Variants in CACNG2 observed in about 807,000 individuals in gnomAD.
The protein encoded by CACNG2 is calcium voltage-gated channel auxiliary subunit gamma 2.
In CACNG2, 3 loss-of-function variants were observed where a neutral mutation model predicts 25.9. That is an observed-to-expected ratio of 0.12 (90% CI 0.05 to 0.30). The LOEUF is 0.30. Ranked by LOEUF, CACNG2 falls within the 10% of genes least tolerant of loss-of-function variation. The probability of loss-of-function intolerance (pLI) is 1.00; values close to 1 mark genes in which losing one functional copy is unlikely to be tolerated. For missense variants in CACNG2, 341 were observed against 432.5 expected, an observed-to-expected ratio of 0.79 and a Z score of 1.88; for synonymous variants, 167 against 173.3, an observed-to-expected ratio of 0.96 and a Z score of 0.29.
In CACNG2 at chr22:36,595,811, C is replaced by A. The variant is rs554503906; in HGVS notation, c.212-8263G>T. ...CCTCCATCCCAGAAGAGTGGCAGTG[C>A]CCCACCAACCGCCAGGCTGAGTGAG... On this transcript the variant is annotated intron_variant, in intron 1 of 3. Coordinates refer to ENST00000300105, the MANE Select transcript of CACNG2 (RefSeq NM_006078.5). 1.2e-3 allele frequency among the ~76,000 whole-genome samples: 180 copies of A among 152,324 alleles called. 2 individuals carry two copies. Among genetic ancestry groups the A allele is most frequent in the African/African-American group, 4.2e-3 (175 of 41,572 alleles).
At chr22:36,686,291 C>G (rs1260895485) in intron 1 of CACNG2, among the ~76,000 whole-genome samples, 2 of 152,178 alleles carry the variant, frequency 1.3e-5, no homozygotes, top group Non-Finnish European at 2.9e-5. Flanking sequence ...TATAAAGGCT[C>G]ATCTCTAAGG....
chr22:36,634,236 G>A (rs1467803910), intron 1 of CACNG2, among the ~76,000 whole-genome samples: 1 of 152,180 alleles, frequency 6.6e-6, no homozygotes, highest in Non-Finnish European at 1.5e-5. Flanking sequence ...TTTTGGTTAG[G>A]TGTGACCACA....
intron 1 of CACNG2, among the ~76,000 whole-genome samples, chr22:36,677,414 GA>G (rs1290205135): frequency 6.6e-6 from 1 of 152,148 alleles, no homozygotes; most frequent in African/African-American, 2.4e-5. Context: ...CACGGGAAAG[GA>G]TGCGGTTTCC....
chr22:36,679,193 C>CCTTTCTTT (rs1937059613), intron 1 of CACNG2, among the ~76,000 whole-genome samples: 1 of 49,240 alleles, frequency 2.0e-5, no homozygotes, highest in African/African-American at 8.4e-5. Context: ...TTCCTTCCTT[C>CCTTTCTTT]CTTCCTTTCT....
intron 1 of CACNG2, among the ~76,000 whole-genome samples, chr22:36,637,109 C>A (rs936225865): frequency 2.6e-5 from 4 of 152,244 alleles, no homozygotes; most frequent in Admixed American, 1.3e-4. Flanking sequence ...CATGTTGCAC[C>A]TCCTGGCTGG....
At chr22:36,692,294 G>T (rs2092662) in intron 1 of CACNG2, among the ~76,000 whole-genome samples, 90,666 of 152,082 alleles carry the variant, frequency 0.6, 28,555 homozygotes, top group East Asian at 0.77. Flanking sequence ...GCTACCCAAG[G>T]TCAAAGAAGT....
Position 36,578,983 on chromosome 22 carries a change from G to A in CACNG2, c.295+8482C>T, listed in dbSNP as rs138099203. Among the ~76,000 whole-genome samples the A allele has an allele frequency of 5.7e-4, 87 of 152,208 alleles. 1 individual carries two copies. Among genetic ancestry groups the A allele is most frequent in the African/African-American group, 2.0e-3 (85 of 41,524 alleles). ...CCGGCAATAGAGTGGTCACCTCCCC[G>A]CACAGCAGCCTCGTCCTACATTCCC... On this transcript the variant is annotated intron_variant, in intron 2 of 3. Transcript: ENST00000300105.
At chr22:36,654,908 T>C (rs1281898340) in intron 1 of CACNG2, among the ~76,000 whole-genome samples, 1 of 152,056 alleles carries the variant, frequency 6.6e-6, no homozygotes, top group African/African-American at 2.4e-5. Context: ...GGTGTCCGAA[T>C]CTTTGTTTTG....
chr22:36,661,093 A>G (rs1363556418), intron 1 of CACNG2, among the ~76,000 whole-genome samples: 1 of 152,102 alleles, frequency 6.6e-6, no homozygotes, highest in African/African-American at 2.4e-5. Flanking sequence ...TTACCGTGAA[A>G]TCAATCAACT....
intron 1 of CACNG2, among the ~76,000 whole-genome samples, chr22:36,698,628 C>T (rs1937371712): frequency 1.3e-5 from 2 of 152,128 alleles, no homozygotes; most frequent in South Asian, 4.2e-4. Context: ...CTGGCAGAGC[C>T]CCTGTGAGCA....
At chr22:36,646,340 TA>T (rs1936524248) in intron 1 of CACNG2, among the ~76,000 whole-genome samples, 1 of 152,158 alleles carries the variant, frequency 6.6e-6, no homozygotes, top group South Asian at 2.1e-4. Flanking sequence ...TCACTGGAAT[TA>T]AAATTTAGCA....
chr22:36,693,038 C>T (rs539655842), intron 1 of CACNG2, among the ~76,000 whole-genome samples: 4 of 152,154 alleles, frequency 2.6e-5, no homozygotes, highest in South Asian at 2.1e-4. Flanking sequence ...CCCAGCTACT[C>T]GGGAGGCTGA....
At position 36,632,827 on chromosome 22, in the gene CACNG2, C is replaced by T. The variant is rs544624990; in HGVS notation, c.212-45279G>A. ...AGGTCTTCATCCTCAAACCTCTCTT[C>T]TCTAGCTATCCTTACCCTTCAAGCC... is the stretch of plus-strand genomic sequence containing the variant. On this transcript the variant is annotated intron_variant, in intron 1 of 3. Coordinates refer to ENST00000300105, the MANE Select transcript of CACNG2 (RefSeq NM_006078.5). 1.1e-3 allele frequency among the ~76,000 whole-genome samples: 166 copies of T among 152,178 alleles called. 1 individual carries two copies. Among genetic ancestry groups the T allele is most frequent in the South Asian group, 2.9e-3 (14 of 4,822 alleles).
At chr22:36,668,492 A>ATT (rs112318091) in intron 1 of CACNG2, among the ~76,000 whole-genome samples, 29 of 146,962 alleles carry the variant, frequency 2.0e-4, no homozygotes, top group East Asian at 1.2e-3. Flanking sequence ...AGGGGAGTGA[A>ATT]TTTTTTTTTT....
intron 1 of CACNG2, among the ~76,000 whole-genome samples, chr22:36,592,044 G>A (rs979226958): frequency 6.6e-6 from 1 of 152,028 alleles, no homozygotes; most frequent in Non-Finnish European, 1.5e-5. Flanking sequence ...CTGAGATTCT[G>A]TGGTTTTCTC....
intron 1 of CACNG2, among the ~76,000 whole-genome samples, chr22:36,615,572 C>T (rs1603501697): frequency 1.3e-5 from 2 of 152,318 alleles, no homozygotes; most frequent in Admixed American, 6.5e-5. Flanking sequence ...TCTCTGTTCC[C>T]CCAGCTGGGT....
At chr22:36,678,300 C>T (rs1314188358) in intron 1 of CACNG2, among the ~76,000 whole-genome samples, 1 of 152,176 alleles carries the variant, frequency 6.6e-6, no homozygotes, top group Non-Finnish European at 1.5e-5. Flanking sequence ...TATTTTCAGT[C>T]TAATGTTACA....
At chr22:36,636,139 T>A (rs896112006) in intron 1 of CACNG2, among the ~76,000 whole-genome samples, 3 of 152,170 alleles carry the variant, frequency 2.0e-5, no homozygotes, top group Non-Finnish European at 4.4e-5. Flanking sequence ...AAAACCAACA[T>A]TCTTAACATG....
At position 36,580,966 on chromosome 22, in the gene CACNG2, C is replaced by T. The variant is rs1350706923; in HGVS notation, c.295+6499G>A. Reference sequence around the variant, plus strand: ...ACACAGACATGCGGGTACCGAAAGACACAGAACACAGCACAGACTCATGCC... The same window carrying T: ...ACACAGACATGCGGGTACCGAAAGATACAGAACACAGCACAGACTCATGCC... On this transcript the variant is annotated intron_variant, in intron 2 of 3. Transcript: ENST00000300105. Among the ~76,000 whole-genome samples the T allele has an allele frequency of 2.0e-5, 3 of 152,170 alleles. No individual in the cohort carries two copies. The East Asian group carries it at 5.8e-4, about 29-fold the overall frequency.
Sources: gnomAD v4.1 joint callset for allele counts (sites outside exome capture counted in the v4.1 genomes callset) on GRCh38, gnomAD v4.1.1 for gene constraint, MANE v1.5 for transcripts, NCBI Gene and HGNC (gene_info 2026-07-23, HGNC 2026-07-21) for gene names.